Variants in RPH3A observed in about 807,000 individuals in gnomAD.
The protein encoded by RPH3A is rabphilin-3A.
RPH3A carries 48 observed loss-of-function variants against 102.2 expected under a neutral mutation model. That is an observed-to-expected ratio of 0.47 (90% CI 0.37 to 0.60). The LOEUF is 0.60. Among genes scored for constraint, RPH3A ranks in the 20% least tolerant of loss-of-function variants. The pLI, the probability that RPH3A is intolerant of heterozygous loss-of-function variation, is 0.00. For synonymous variants in RPH3A, 310 were observed against 324.3 expected (o/e 0.96, Z 0.47); for missense variants, 781 against 910.1 (o/e 0.86, Z 1.83).
chr12:112,827,909 GA>G (rs5800969), intron 2 of RPH3A, among the ~76,000 whole-genome samples: 106,957 of 149,846 alleles, frequency 0.71, 38,250 homozygotes, highest in African/African-American at 0.76. Flanking sequence ...AAAAAAAAGG[GA>G]AAAAAAAAAG....
At chr12:112,823,397 C>T (rs1161351610) in intron 2 of RPH3A, among the ~76,000 whole-genome samples, 1 of 152,170 alleles carries the variant, frequency 6.6e-6, no homozygotes, top group Non-Finnish European at 1.5e-5. Context: ...ATACCATCTA[C>T]CTTGGAGTAG....
Position 112,896,845 on chromosome 12 carries a change from C to T in RPH3A, c.*65C>T, listed in dbSNP as rs2043187053. ...CCCAGCCTGCTCTAGCTGCCCACCGCACCCTGATCTCTCTTCTCTATGCCT... is the reference window on the plus strand; with the variant it reads ...CCCAGCCTGCTCTAGCTGCCCACCGTACCCTGATCTCTCTTCTCTATGCCT... On this transcript the variant is annotated 3_prime_UTR_variant, in exon 22 of 22. Transcript: ENST00000389385. The T allele has an allele frequency of 1.3e-6, 2 of 1,584,040 alleles. No homozygotes were observed. The highest frequency in any genetic ancestry group is 1.3e-5 in the African/African-American group (1 of 74,168).
At chr12:112,618,030 C>T (rs1206566156) in intron 1 of RPH3A, among the ~76,000 whole-genome samples, 1 of 152,176 alleles carries the variant, frequency 6.6e-6, no homozygotes, top group Non-Finnish European at 1.5e-5. Context: ...TTTATGTATA[C>T]ACATATCCCA....
intron 5 of RPH3A, chr12:112,851,038 TG>T (rs2136194707): frequency 6.6e-6 from 1 of 152,344 alleles, no homozygotes; most frequent in Non-Finnish European, 1.5e-5. Context: ...TGATGCTGAA[TG>T]TTCTTTTCTG....
chr12:112,781,223 A>C (rs556573044), intron 1 of RPH3A, among the ~76,000 whole-genome samples: 5 of 152,174 alleles, frequency 3.3e-5, no homozygotes, highest in Non-Finnish European at 2.9e-5. Context: ...CAAAACAAAA[A>C]AAAATATCCT....
chr12:112,687,297 C>A (rs1229728081), intron 1 of RPH3A, among the ~76,000 whole-genome samples: 1 of 152,210 alleles, frequency 6.6e-6, no homozygotes, highest in African/African-American at 2.4e-5. Flanking sequence ...CTTCTCTAGC[C>A]TCTTCAGCAT....
At chr12:112,814,597 A>T (rs1011859189) in intron 2 of RPH3A, among the ~76,000 whole-genome samples, 2 of 152,164 alleles carry the variant, frequency 1.3e-5, no homozygotes, top group Admixed American at 6.5e-5. Flanking sequence ...AAGAGTGGTT[A>T]TCTAGACTAG....
intron 1 of RPH3A, among the ~76,000 whole-genome samples, chr12:112,718,618 G>A (rs4766650): frequency 0.14 from 21,467 of 152,190 alleles, 1,780 homozygotes; most frequent in Admixed American, 0.21. Context: ...GCCACTGCGC[G>A]TTGCTGAGGG....
At chr12:112,618,851 C>T (rs370394742) in intron 1 of RPH3A, among the ~76,000 whole-genome samples, 18 of 152,184 alleles carry the variant, frequency 1.2e-4, no homozygotes, top group Admixed American at 7.2e-4. Context: ...AGTAACTACA[C>T]GTTTTCCTTG....
chr12:112,795,459 G>A (rs2041210551), intron 2 of RPH3A, among the ~76,000 whole-genome samples: 2 of 152,236 alleles, frequency 1.3e-5, no homozygotes, highest in Non-Finnish European at 2.9e-5. Context: ...TGCTGAAAGA[G>A]TGAAGGAGGT....
At chr12:112,646,781 G>T (rs900324692) in intron 1 of RPH3A, among the ~76,000 whole-genome samples, 2 of 152,110 alleles carry the variant, frequency 1.3e-5, no homozygotes, top group African/African-American at 4.8e-5. Context: ...CACTTGAGGG[G>T]CCTGGGACTC....
intron 6 of RPH3A, among the ~76,000 whole-genome samples, chr12:112,866,398 T>C (rs2042611768): frequency 6.6e-6 from 1 of 152,136 alleles, no homozygotes; most frequent in African/African-American, 2.4e-5. Context: ...GTCTAGGTTG[T>C]CTCAGGTCCG....
chr12:112,847,703 G>A lies in RPH3A; in HGVS notation c.91G>A (p.Ala31Thr), dbSNP rs2042253979. Reference protein sequence around the residue: ...LQSNDKEQLQAGWSVHPGGQP... With the variant: ...LQSNDKEQLQTGWSVHPGGQP... ...TCCCAAATTTCCTTTCAGGCTCCAGGCAGGCTGGTCCGTCCACCCCGGTGG... is the reference window on the plus strand; with the variant it reads ...TCCCAAATTTCCTTTCAGGCTCCAGACAGGCTGGTCCGTCCACCCCGGTGG... Residue 31 changes from alanine (A) to threonine (T), a missense_variant, in exon 5 of 22, where the codon GCA (alanine) becomes ACA (threonine). Transcript: ENST00000389385. 3 of 1,613,694 alleles carry A rather than the reference G, an allele frequency of 1.9e-6. No homozygotes were observed. The highest frequency in any genetic ancestry group is 1.7e-5 in the Admixed American group (1 of 59,986).
At chr12:112,862,080 G>A (rs949368688) in intron 5 of RPH3A, among the ~76,000 whole-genome samples, 1 of 151,498 alleles carries the variant, frequency 6.6e-6, no homozygotes, top group Non-Finnish European at 1.5e-5. Flanking sequence ...AATGCTTTGG[G>A]AAGCTAAGGC....
chr12:112,877,433 C>CACACACACACACACACACGTAT (rs1484155126), intron 13 of RPH3A, among the ~76,000 whole-genome samples: 1 of 151,280 alleles, frequency 6.6e-6, no homozygotes, highest in African/African-American at 2.4e-5. Flanking sequence ...CACACACACA[C>CACACACACACACACACACGTAT]ACACACACAC....
At chr12:112,687,574 C>T (rs1286085808) in intron 1 of RPH3A, among the ~76,000 whole-genome samples, 1 of 152,190 alleles carries the variant, frequency 6.6e-6, no homozygotes, top group East Asian at 1.9e-4. Context: ...TGAGTACTGT[C>T]TACCACGTGT....
At chr12:112,812,012 C>A (rs987688385) in intron 2 of RPH3A, among the ~76,000 whole-genome samples, 2 of 151,556 alleles carry the variant, frequency 1.3e-5, no homozygotes, top group African/African-American at 4.9e-5. Flanking sequence ...GTAGAACCCA[C>A]CAAGTCCAAG....
intron 1 of RPH3A, among the ~76,000 whole-genome samples, chr12:112,685,386 G>A (rs1370886227): frequency 6.6e-6 from 1 of 152,164 alleles, no homozygotes; most frequent in Non-Finnish European, 1.5e-5. Flanking sequence ...AGCAGTGGGA[G>A]GGATAATTGT....
At chr12:112,642,553 T>G (rs541609278) in intron 1 of RPH3A, among the ~76,000 whole-genome samples, 3 of 152,204 alleles carry the variant, frequency 2.0e-5, no homozygotes, top group African/African-American at 4.8e-5. Flanking sequence ...AATCAGTATG[T>G]GGCAGTGTTG....
Sources: gnomAD v4.1 joint callset for allele counts (sites outside exome capture counted in the v4.1 genomes callset) on GRCh38, gnomAD v4.1.1 for gene constraint, MANE v1.5 for transcripts, NCBI Gene and HGNC (gene_info 2026-07-23, HGNC 2026-07-21) for gene names.